The following PABPC4L variants were observed in gnomAD, a reference collection of about 807,000 sequenced individuals.
PABPC4L encodes poly(A) binding protein cytoplasmic 4 like, also known as polyadenylate-binding protein 4-like.
For synonymous variants in PABPC4L, 169 were observed against 164.1 expected, an observed-to-expected ratio of 1.03 and a Z score of -0.23; for missense variants, 452 against 451.4, an observed-to-expected ratio of 1.00 and a Z score of -0.01.
the PABPC4L span, among the ~76,000 whole-genome samples, chr4:134,040,763 A>G: frequency 6.6e-6 from 1 of 152,196 alleles, no homozygotes; most frequent in African/African-American, 2.4e-5. Context: ...GCACAGCAAA[A>G]GAAACTATCA....
the PABPC4L span, among the ~76,000 whole-genome samples, chr4:134,098,006 A>G: frequency 2.8e-4 from 43 of 151,950 alleles, 1 homozygote; most frequent in East Asian, 2.9e-3. Flanking sequence ...ATTATATTAA[A>G]TGAGATCTTA....
chr4:134,082,595 A>C, the PABPC4L span, among the ~76,000 whole-genome samples: 2 of 152,120 alleles, frequency 1.3e-5, no homozygotes, highest in African/African-American at 4.8e-5. Context: ...AAAATTGTGT[A>C]AATATAAAAA....
the PABPC4L span, among the ~76,000 whole-genome samples, chr4:134,126,226 C>A: frequency 6.6e-4 from 100 of 152,142 alleles, no homozygotes; most frequent in Middle Eastern, 0.01. Context: ...TAGATGTGCC[C>A]CTGGGGACAT....
At chr4:134,004,203 C>A in the PABPC4L span, among the ~76,000 whole-genome samples, 3 of 151,772 alleles carry the variant, frequency 2.0e-5, no homozygotes, top group Non-Finnish European at 2.9e-5. Flanking sequence ...AGTAAAGAGG[C>A]AACCCGAGGA....
chr4:133,988,336 G>A, the PABPC4L span, among the ~76,000 whole-genome samples: 3 of 152,158 alleles, frequency 2.0e-5, no homozygotes, highest in East Asian at 5.8e-4. Flanking sequence ...CTGCCCATGA[G>A]CCAGTAAAAC....
the PABPC4L span, among the ~76,000 whole-genome samples, chr4:134,078,530 G>C: frequency 6.6e-6 from 1 of 152,090 alleles, no homozygotes; most frequent in East Asian, 1.9e-4. Context: ...GTTGGTCAGA[G>C]TCCTGGAAAG....
chr4:133,979,527 C>T, the PABPC4L span, among the ~76,000 whole-genome samples: 1 of 152,130 alleles, frequency 6.6e-6, no homozygotes, highest in Admixed American at 6.6e-5. Context: ...ATCAAAGCTT[C>T]TTCACTATAG....
the PABPC4L span, among the ~76,000 whole-genome samples, chr4:133,956,618 AG>A: frequency 3.3e-5 from 5 of 152,174 alleles, no homozygotes; most frequent in African/African-American, 1.2e-4. Flanking sequence ...CTGGGAGGAA[AG>A]GAACAGCCAT....
the PABPC4L span, among the ~76,000 whole-genome samples, chr4:134,115,163 G>C: frequency 2.0e-5 from 3 of 151,954 alleles, no homozygotes; most frequent in African/African-American, 7.2e-5. Flanking sequence ...CACAGACTAT[G>C]AATAGGGATT....
the PABPC4L span, among the ~76,000 whole-genome samples, chr4:134,147,738 TG>T: frequency 1.1e-5 from 1 of 90,712 alleles, no homozygotes; most frequent in African/African-American, 6.3e-5. Flanking sequence ...TGTGTGTGTG[TG>T]TGTGTGTGTG....
chr4:134,159,192 C>A, the PABPC4L span, among the ~76,000 whole-genome samples: 1 of 152,120 alleles, frequency 6.6e-6, no homozygotes, highest in Non-Finnish European at 1.5e-5. Context: ...TTCACTTAAA[C>A]TACACTAAAT....
chr4:134,176,370 G>A, the PABPC4L span, among the ~76,000 whole-genome samples: 2 of 152,054 alleles, frequency 1.3e-5, no homozygotes, highest in Non-Finnish European at 2.9e-5. Context: ...TAAATGTAGG[G>A]CCAGGTGTGG....
chr4:133,958,062 C>T, the PABPC4L span, among the ~76,000 whole-genome samples: 1 of 152,220 alleles, frequency 6.6e-6, no homozygotes, highest in Non-Finnish European at 1.5e-5. Context: ...ATTACTTATG[C>T]AAATTTATGC....
chr4:134,195,985 A>G (rs1729644049), downstream of PABPC4L, among the ~76,000 whole-genome samples: 1 of 151,296 alleles, frequency 6.6e-6, no homozygotes, highest in African/African-American at 2.4e-5. Context: ...TTGTTTTATT[A>G]TATATATTTT....
the PABPC4L span, among the ~76,000 whole-genome samples, chr4:134,090,025 T>C: frequency 6.6e-6 from 1 of 152,072 alleles, no homozygotes; most frequent in East Asian, 1.9e-4. Context: ...CACACTGTTT[T>C]GTTTTCCCAG....
At chr4:133,993,965 C>T in the PABPC4L span, among the ~76,000 whole-genome samples, 2 of 151,978 alleles carry the variant, frequency 1.3e-5, no homozygotes, top group Admixed American at 6.6e-5. Context: ...TAAGCAGAGT[C>T]ACTAACAATA....
chr4:134,064,013 T>C, the PABPC4L span, among the ~76,000 whole-genome samples: 1 of 152,066 alleles, frequency 6.6e-6, no homozygotes, highest in Admixed American at 6.6e-5. Flanking sequence ...CAATTATTGA[T>C]TTGAATCACC....
chr4:134,007,062 G>C, the PABPC4L span, among the ~76,000 whole-genome samples: 5 of 151,728 alleles, frequency 3.3e-5, no homozygotes, highest in African/African-American at 1.2e-4. Flanking sequence ...TAATGTTTTG[G>C]AATAGATAAG....
In PABPC4L at chr4:134,198,012, T is replaced by A. The variant is rs1729719155; in HGVS notation, c.*1895A>T. On this transcript the variant is annotated 3_prime_UTR_variant, in exon 2 of 2. Transcript: ENST00000421491. Reference sequence around the variant, plus strand: ...TTCGCAAGGATGTTAATCTCCAAGTTATTTATGACAGAGGAAGAAGAAAAA... The same window carrying A: ...TTCGCAAGGATGTTAATCTCCAAGTAATTTATGACAGAGGAAGAAGAAAAA... 1 of 151,740 alleles carries A rather than the reference T, an allele frequency of 6.6e-6. No individual in the cohort carries two copies. Among genetic ancestry groups the A allele is most frequent in the Admixed American group, 6.6e-5 (1 of 15,242 alleles). 9.4% of individuals were successfully genotyped at this position (151,740 alleles called of 1,614,324 possible).
Sources: allele counts gnomAD v4.1 joint callset (sites outside exome capture counted in the v4.1 genomes callset), GRCh38; gene constraint gnomAD v4.1.1; transcripts MANE v1.5; gene names NCBI Gene and HGNC (gene_info 2026-07-23, HGNC 2026-07-21).